The following THRB variants were observed in gnomAD, a reference collection of about 807,000 sequenced individuals.
THRB encodes the protein thyroid hormone receptor beta.
In THRB, 12 loss-of-function variants were observed where a neutral mutation model predicts 47.8. The ratio of observed to expected loss-of-function variants is 0.25; its 90% CI spans 0.16 to 0.41. The LOEUF (loss-of-function observed/expected upper bound fraction) is 0.41. Among genes scored for constraint, THRB ranks in the 10% least tolerant of loss-of-function variants. THRB has a pLI of 1.00. For missense variants in THRB, 348 were observed against 589.2 expected (o/e 0.59, Z 4.24); for synonymous variants, 218 against 212.2 (o/e 1.03, Z -0.24).
chr3:24,273,052 G>C (rs568436547), intron 3 of THRB, among the ~76,000 whole-genome samples: 1 of 152,104 alleles, frequency 6.6e-6, no homozygotes, highest in South Asian at 2.1e-4. Context: ...TGTTTACAAT[G>C]GAAGAATCCG....
At position 24,349,912 on chromosome 3, in the gene THRB, C is replaced by T. The variant is rs1333366854; in HGVS notation, c.-260-12541G>A. Among the ~76,000 whole-genome samples, 5 of 152,096 alleles carry T rather than the reference C, an allele frequency of 3.3e-5. 1 individual carries two copies. The highest frequency in any genetic ancestry group is 2.9e-5 in the Non-Finnish European group (2 of 67,932). ...AATTAGATTATATTAAAATTAGGAA[C>T]TTCTGTTCACCAAAAGACACCATTA... is the stretch of plus-strand genomic sequence containing the variant. On this transcript the variant is annotated intron_variant, in intron 1 of 10. Transcript: ENST00000646209.
chr3:24,252,963 C>A (rs190624210), intron 3 of THRB, among the ~76,000 whole-genome samples: 1 of 152,112 alleles, frequency 6.6e-6, no homozygotes, highest in East Asian at 1.9e-4. Flanking sequence ...TTATTGCAGA[C>A]CTTTCCATAC....
chr3:24,453,160 A>G (rs2072833978), intron 1 of THRB, among the ~76,000 whole-genome samples: 1 of 152,126 alleles, frequency 6.6e-6, no homozygotes, highest in Non-Finnish European at 1.5e-5. Context: ...CCAAACCATC[A>G]CCAACTCTTG....
At chr3:24,227,758 G>T (rs73039603) in intron 4 of THRB, among the ~76,000 whole-genome samples, 14,566 of 152,172 alleles carry the variant, frequency 0.096, 773 homozygotes, top group Non-Finnish European at 0.12. Context: ...CTTATCATAG[G>T]GTGGGGAGGT....
chr3:24,384,636 C>T (rs755808608), intron 1 of THRB, among the ~76,000 whole-genome samples: 30 of 152,060 alleles, frequency 2.0e-4, no homozygotes, highest in African/African-American at 7.2e-5. Flanking sequence ...GAATGTGCCA[C>T]TTCTAATTGC....
At chr3:24,404,583 C>CA (rs1430482853) in intron 1 of THRB, among the ~76,000 whole-genome samples, 1 of 151,794 alleles carries the variant, frequency 6.6e-6, no homozygotes, top group African/African-American at 2.4e-5. Flanking sequence ...CTGCTCTTCT[C>CA]AATCATTTTT....
At chr3:24,495,097 G>C (rs1698842468), upstream of THRB, 1 of 152,312 alleles carries the variant, frequency 6.6e-6, no homozygotes, top group Non-Finnish European at 1.5e-5. Flanking sequence ...CCGCGTGCCC[G>C]GCCCGCCCCG....
intron 3 of THRB, among the ~76,000 whole-genome samples, chr3:24,244,246 G>C (rs2049883124): frequency 1.3e-5 from 2 of 152,124 alleles, no homozygotes; most frequent in South Asian, 4.2e-4. Flanking sequence ...GGTAAACTTT[G>C]TTATATAAAT....
At chr3:24,127,246 G>C (rs547620181) in intron 10 of THRB, among the ~76,000 whole-genome samples, 2 of 152,288 alleles carry the variant, frequency 1.3e-5, no homozygotes, top group South Asian at 4.1e-4. Flanking sequence ...ATCCACCAAA[G>C]GCGGATCACT....
chr3:24,299,270 A>G (rs1333048140), intron 2 of THRB, among the ~76,000 whole-genome samples: 4 of 149,648 alleles, frequency 2.7e-5, no homozygotes, highest in Non-Finnish European at 5.9e-5. Context: ...AAAAAAAAAA[A>G]AAAGAAAAGT....
chr3:24,198,870 A>T (rs1185433926), intron 4 of THRB, among the ~76,000 whole-genome samples: 1 of 152,128 alleles, frequency 6.6e-6, no homozygotes. Flanking sequence ...CATGGGTCAT[A>T]GCTGGGGAGG....
At chr3:24,344,005 T>C (rs1171025831) in intron 1 of THRB, among the ~76,000 whole-genome samples, 1 of 149,582 alleles carries the variant, frequency 6.7e-6, no homozygotes, top group Admixed American at 6.7e-5. Context: ...TCACATACAG[T>C]TGGATTACTA....
At chr3:24,275,346 C>A (rs2053801155) in intron 3 of THRB, among the ~76,000 whole-genome samples, 1 of 152,178 alleles carries the variant, frequency 6.6e-6, no homozygotes, top group South Asian at 2.1e-4. Context: ...ACAAATGGGT[C>A]CCACCTTCTT....
chr3:24,224,271 A>G (rs576383453), intron 4 of THRB, among the ~76,000 whole-genome samples: 2 of 152,350 alleles, frequency 1.3e-5, no homozygotes, highest in African/African-American at 2.4e-5. Flanking sequence ...TTCATCGTAT[A>G]TTATTTATAA....
rs756255061 is a variant in THRB, at chr3:24,152,355, GCTAAGCTCTGTGCTTGTGGAC to G, written c.384+14_384+34del. ...AGGACTGGGAGGGGACTGGAGCTGG[GCTAAGCTCTGTGCTTGTGGAC>G]CCAGGGCAATTACCTTGCAGCCTTC... On this transcript the variant is annotated intron_variant, in intron 6 of 10. Coordinates refer to ENST00000646209, the MANE Select transcript of THRB (RefSeq NM_001354712.2). 1 of 1,184,192 alleles carries G rather than the reference GCTAAGCTCTGTGCTTGTGGAC, an allele frequency of 8.4e-7. No homozygotes were observed. Among genetic ancestry groups the G allele is most frequent in the Non-Finnish European group, 1.3e-6 (1 of 788,198 alleles). The allele number at this position is 1,184,192 out of a possible 1,614,324, so 73.4% of individuals were successfully genotyped here. A position where few individuals can be genotyped will look rare whatever the true frequency, so the allele number is the denominator to read the frequency against.
At chr3:24,435,174 C>T (rs2070815326) in intron 1 of THRB, among the ~76,000 whole-genome samples, 1 of 151,986 alleles carries the variant, frequency 6.6e-6, no homozygotes, top group South Asian at 2.1e-4. Context: ...AGGTGTATGG[C>T]AGCATCACTG....
chr3:24,200,643 T>C (rs1230524471), intron 4 of THRB, among the ~76,000 whole-genome samples: 1 of 152,238 alleles, frequency 6.6e-6, no homozygotes, highest in Non-Finnish European at 1.5e-5. Context: ...CTTTGTTTGG[T>C]ACCCAGGTGA....
In THRB at chr3:24,494,480, C is replaced by G. The variant is rs563419229; in HGVS notation, c.-261+172G>C. 2.6e-5 allele frequency: 4 copies of G among 152,302 alleles called. No individual in the cohort carries two copies. The South Asian group carries it at 8.3e-4, about 32-fold the overall frequency. The allele number at this position is 152,302 out of a possible 1,614,324, so 9.4% of individuals were successfully genotyped here. A position where few individuals can be genotyped will look rare whatever the true frequency, so the allele number is the denominator to read the frequency against. ...CTCCCAGATCCGGGGCGCAGAAGCC[C>G]CGCGGAGGCAGGTAATCAGGCTGAT... On this transcript the variant is annotated intron_variant, in intron 1 of 10. Coordinates refer to ENST00000646209, the MANE Select transcript of THRB (RefSeq NM_001354712.2).
At chr3:24,273,798 C>T (rs537738781) in intron 3 of THRB, among the ~76,000 whole-genome samples, 1 of 152,060 alleles carries the variant, frequency 6.6e-6, no homozygotes, top group East Asian at 1.9e-4. Context: ...CGAACCCCCC[C>T]ACCCCTCAAA....
Sources: allele counts gnomAD v4.1 joint callset (sites outside exome capture counted in the v4.1 genomes callset), GRCh38; gene constraint gnomAD v4.1.1; transcripts MANE v1.5; gene names NCBI Gene and HGNC (gene_info 2026-07-23, HGNC 2026-07-21).